SLC1A6: variants seen among roughly 807,000 people sequenced by gnomAD.
SLC1A6 encodes the protein solute carrier family 1 member 6.
In SLC1A6, 15 loss-of-function variants were observed where a neutral mutation model predicts 42.1. That is an observed-to-expected ratio of 0.36 (90% CI 0.24 to 0.55). The LOEUF (loss-of-function observed/expected upper bound fraction) is 0.55, where lower values mean the gene tolerates loss of function less well. SLC1A6 is among the 20% of genes least tolerant of loss of function. The pLI is 0.88. For missense variants in SLC1A6, 542 were observed against 772.5 expected (o/e 0.70, Z 3.54); for synonymous variants, 317 against 319.7 (o/e 0.99, Z 0.09).
chr19:14,952,850 CACA>C, intron 9 of SLC1A6, 75 bp downstream of exon 9: 1 of 1,494,582 alleles, frequency 6.7e-7, no homozygotes, highest in South Asian at 1.4e-5. Flanking sequence ...AATAAAAGTC[CACA>C]GGTCGAGGAC....
At chr19:14,976,916 C>T (rs2145215501) in intron 1 of SLC1A6, 1 of 152,084 alleles carries the variant, frequency 6.6e-6, no homozygotes, top group Non-Finnish European at 1.5e-5. Context: ...GAAATCTGCC[C>T]TGATTTTCCA....
At chr19:14,954,763 G>A (rs2045446459) in intron 7 of SLC1A6, among the ~76,000 whole-genome samples, 1 of 152,206 alleles carries the variant, frequency 6.6e-6, no homozygotes, top group Non-Finnish European at 1.5e-5. Flanking sequence ...AAGGAAAGGA[G>A]CAACTCCTCA....
chr19:14,971,692 C>G (rs1416184320), intron 3 of SLC1A6, 45 bp downstream of exon 3: 1 of 1,605,734 alleles, frequency 6.2e-7, no homozygotes, highest in African/African-American at 1.3e-5. Context: ...CAAGCTGAGG[C>G]TCTAGACGGG....
intron 1 of SLC1A6, among the ~76,000 whole-genome samples, chr19:14,988,244 A>G (rs560342654): frequency 3.5e-4 from 54 of 152,302 alleles, no homozygotes; most frequent in African/African-American, 1.3e-3. Flanking sequence ...CAGTTAACCA[A>G]GAGACTTTCT....
intron 7 of SLC1A6, 69 bp downstream of exon 7, chr19:14,956,407 C>T: frequency 9.9e-7 from 1 of 1,013,830 alleles, no homozygotes; most frequent in Non-Finnish European, 1.4e-6. Flanking sequence ...GGGCAGGTGC[C>T]TTAGGAGAGG....
At chr19:14,973,654 T>C (rs2045670785) in intron 1 of SLC1A6, 2 of 152,872 alleles carry the variant, frequency 1.3e-5, no homozygotes, top group Admixed American at 1.3e-4. Flanking sequence ...CACAAGCCTC[T>C]GGGGGCTGCC....
chr19:14,974,044 T>C (rs1219999195), intron 1 of SLC1A6: 2 of 152,376 alleles, frequency 1.3e-5, no homozygotes, highest in South Asian at 2.1e-4. Context: ...TATCCATGTG[T>C]CCTTATTCAC....
At chr19:15,003,730 C>T (rs1420104970) in intron 1 of SLC1A6, among the ~76,000 whole-genome samples, 18 of 151,886 alleles carry the variant, frequency 1.2e-4, no homozygotes. Flanking sequence ...CTTCTTCATC[C>T]ATTCTGCAAT....
upstream of SLC1A6, among the ~76,000 whole-genome samples, chr19:14,980,654 CAAAA>C (rs35361239): frequency 8.0e-6 from 1 of 125,396 alleles, no homozygotes. Context: ...GAGACTCCGT[CAAAA>C]AAAAAAAAAA....
At chr19:14,985,823 C>T (rs2045789951) in intron 1 of SLC1A6, among the ~76,000 whole-genome samples, 1 of 152,118 alleles carries the variant, frequency 6.6e-6, no homozygotes, top group Non-Finnish European at 1.5e-5. Context: ...ATTAGCTGGG[C>T]ATGGTGGTGC....
At chr19:14,955,430 C>T (rs1274807391) in intron 7 of SLC1A6, among the ~76,000 whole-genome samples, 1 of 148,848 alleles carries the variant, frequency 6.7e-6, no homozygotes, top group Non-Finnish European at 1.5e-5. Flanking sequence ...AAAACAACAA[C>T]AACAACAAAA....
At chr19:14,986,489 C>T (rs964780636) in intron 1 of SLC1A6, among the ~76,000 whole-genome samples, 1 of 150,888 alleles carries the variant, frequency 6.6e-6, no homozygotes, top group South Asian at 2.1e-4. Flanking sequence ...CACCATTGCA[C>T]TCCAGCCTGG....
intron 4 of SLC1A6, 150 bp downstream of exon 4, chr19:14,968,153 C>T: frequency 1.5e-6 from 1 of 646,106 alleles, no homozygotes; most frequent in South Asian, 2.0e-5. Context: ...CCTACTCCAA[C>T]CCCTCCTCCT....
At chr19:14,995,351 AAG>A in intron 1 of SLC1A6, among the ~76,000 whole-genome samples, 1 of 128,150 alleles carries the variant, frequency 7.8e-6, no homozygotes, top group East Asian at 2.1e-4. Context: ...AAAAGAAAGA[AAG>A]AAAGAAAGAA....
intron 3 of SLC1A6, among the ~76,000 whole-genome samples, chr19:14,969,568 T>A (rs2045614050): frequency 6.6e-6 from 1 of 152,252 alleles, no homozygotes; most frequent in Non-Finnish European, 1.5e-5. Flanking sequence ...TTCACTGGTT[T>A]CCCAGCCCTG....
chr19:14,975,627 C>G (rs1357620836), intron 1 of SLC1A6, among the ~76,000 whole-genome samples: 1 of 151,734 alleles, frequency 6.6e-6, no homozygotes, highest in African/African-American at 2.4e-5. Flanking sequence ...TGTCACACGC[C>G]TGTAATCCCA....
At chr19:14,970,553 T>C (rs945141255) in intron 3 of SLC1A6, among the ~76,000 whole-genome samples, 1 of 150,960 alleles carries the variant, frequency 6.6e-6, no homozygotes, top group African/African-American at 2.4e-5. Context: ...CTACTAAAAA[T>C]ACAAAAAATT....
At chr19:15,007,371 C>G (rs11673333) in intron 1 of SLC1A6, among the ~76,000 whole-genome samples, 7,033 of 152,098 alleles carry the variant, frequency 0.046, 256 homozygotes, top group African/African-American at 0.095. Flanking sequence ...TGAGTGGTTA[C>G]CAGGAGCTGA....
chr19:14,987,088 GAA>G (rs1319956165), intron 1 of SLC1A6, among the ~76,000 whole-genome samples: 1 of 152,090 alleles, frequency 6.6e-6, no homozygotes, highest in African/African-American at 2.4e-5. Flanking sequence ...CAGACCCCCT[GAA>G]TGGTCTCAAG....
Sources: allele counts gnomAD v4.1 joint callset (sites outside exome capture counted in the v4.1 genomes callset), GRCh38; gene constraint gnomAD v4.1.1; transcripts MANE v1.5; gene names NCBI Gene and HGNC (gene_info 2026-07-23, HGNC 2026-07-21).